The following MACROD2 variants were observed in gnomAD, a reference collection of about 807,000 sequenced individuals.
MACROD2 encodes mono-ADP ribosylhydrolase 2.
A neutral mutation model predicts 70.4 loss-of-function variants in MACROD2; 36 were observed. The ratio of observed to expected loss-of-function variants is 0.51; its 90% confidence interval spans 0.39 to 0.68. The LOEUF (loss-of-function observed/expected upper bound fraction) is 0.68, where lower values mean the gene tolerates loss of function less well. Ranked by LOEUF, MACROD2 falls within the 30% of genes least tolerant of loss-of-function variation. The pLI is 0.00. For synonymous variants in MACROD2, 172 were observed against 178.8 expected, an observed-to-expected ratio of 0.96 and a Z score of 0.30; for missense variants, 496 against 538.4, an observed-to-expected ratio of 0.92 and a Z score of 0.78.
intron 5 of MACROD2, among the ~76,000 whole-genome samples, chr20:15,154,369 G>A (rs1260095989): frequency 6.6e-6 from 1 of 152,156 alleles, no homozygotes; most frequent in Admixed American, 6.5e-5. Context: ...AGCTGACAGT[G>A]GGCAGAAAGG....
intron 8 of MACROD2, among the ~76,000 whole-genome samples, chr20:15,564,359 G>A (rs2146613024): frequency 1.3e-5 from 2 of 152,196 alleles, no homozygotes; most frequent in South Asian, 4.1e-4. Context: ...AAAATATGAA[G>A]AATTTTTGCA....
At chr20:15,271,073 C>A (rs1033859321) in intron 6 of MACROD2, among the ~76,000 whole-genome samples, 3 of 152,176 alleles carry the variant, frequency 2.0e-5, no homozygotes, top group Admixed American at 6.5e-5. Context: ...ATCTAGACCC[C>A]AAATGACCAA....
At chr20:15,594,200 A>C (rs987513415) in intron 8 of MACROD2, among the ~76,000 whole-genome samples, 2 of 152,108 alleles carry the variant, frequency 1.3e-5, no homozygotes, top group East Asian at 3.9e-4. Flanking sequence ...TGGTTGCACT[A>C]AATCTCATCC....
intron 8 of MACROD2, among the ~76,000 whole-genome samples, chr20:15,637,246 C>T (rs994796416): frequency 2.6e-5 from 4 of 152,118 alleles, no homozygotes; most frequent in African/African-American, 4.8e-5. Flanking sequence ...TCAGTTTCTC[C>T]GTCTGTAAAA....
chr20:15,562,328 A>G (rs2048255668), intron 8 of MACROD2, among the ~76,000 whole-genome samples: 1 of 152,170 alleles, frequency 6.6e-6, no homozygotes, highest in Admixed American at 6.5e-5. Flanking sequence ...TGTGATGTGG[A>G]AAATGAAGCC....
intron 3 of MACROD2, among the ~76,000 whole-genome samples, chr20:14,199,469 G>A (rs557916392): frequency 7.2e-5 from 11 of 152,274 alleles, no homozygotes; most frequent in African/African-American, 2.4e-4. Context: ...CCAACTTTTA[G>A]CCTTATGACA....
At chr20:15,557,677 G>C (rs1189193400) in intron 8 of MACROD2, among the ~76,000 whole-genome samples, 1 of 152,206 alleles carries the variant, frequency 6.6e-6, no homozygotes, top group African/African-American at 2.4e-5. Context: ...GTTTACTATA[G>C]AGAGCAAACT....
intron 6 of MACROD2, among the ~76,000 whole-genome samples, chr20:15,379,477 C>G (rs992235981): frequency 6.6e-6 from 1 of 151,708 alleles, no homozygotes; most frequent in East Asian, 1.9e-4. Context: ...TTTTTTCCAC[C>G]GAAACCTGTT....
intron 8 of MACROD2, among the ~76,000 whole-genome samples, chr20:15,690,800 A>G (rs1301463427): frequency 6.6e-6 from 1 of 152,110 alleles, no homozygotes; most frequent in Admixed American, 6.5e-5. Flanking sequence ...CCAAGACTCC[A>G]TCTCTCCTCT....
chr20:15,007,483 A>T (rs2075048586), intron 5 of MACROD2, among the ~76,000 whole-genome samples: 1 of 152,212 alleles, frequency 6.6e-6, no homozygotes, highest in South Asian at 2.1e-4. Context: ...GTAATAATGC[A>T]TCATGAGTGA....
At chr20:14,235,389 C>A (rs1050259258) in intron 3 of MACROD2, among the ~76,000 whole-genome samples, 1 of 152,040 alleles carries the variant, frequency 6.6e-6, no homozygotes, top group Non-Finnish European at 1.5e-5. Flanking sequence ...AAAACAGAGG[C>A]ACACAGTAGT....
chr20:14,079,477 T>C (rs2053961140), intron 2 of MACROD2, among the ~76,000 whole-genome samples: 1 of 152,244 alleles, frequency 6.6e-6, no homozygotes, highest in Non-Finnish European at 1.5e-5. Context: ...AGGAGACTTT[T>C]TTTCTGTTGT....
chr20:15,534,077 G>C (rs1296767518), intron 8 of MACROD2, among the ~76,000 whole-genome samples: 1 of 152,118 alleles, frequency 6.6e-6, no homozygotes, highest in Non-Finnish European at 1.5e-5. Flanking sequence ...AGAATAATGG[G>C]TAGGATTCAA....
intron 8 of MACROD2, among the ~76,000 whole-genome samples, chr20:15,638,490 G>T (rs935812185): frequency 6.6e-6 from 1 of 152,198 alleles, no homozygotes; most frequent in Non-Finnish European, 1.5e-5. Context: ...GAATGTGTCA[G>T]AAAAGAACTG....
intron 8 of MACROD2, among the ~76,000 whole-genome samples, chr20:15,814,949 T>A (rs1025886695): frequency 6.6e-6 from 1 of 151,000 alleles, no homozygotes; most frequent in Admixed American, 6.6e-5. Flanking sequence ...CTTTTAATTA[T>A]GTCCAGAAGA....
intron 5 of MACROD2, among the ~76,000 whole-genome samples, chr20:14,824,962 A>G (rs1335295425): frequency 6.6e-6 from 1 of 152,090 alleles, no homozygotes; most frequent in African/African-American, 2.4e-5. Context: ...GAGGTTCAAA[A>G]TGTTTTAAAT....
At chr20:16,014,387 A>G (rs1568709647) in intron 15 of MACROD2, among the ~76,000 whole-genome samples, 1 of 152,232 alleles carries the variant, frequency 6.6e-6, no homozygotes, top group Non-Finnish European at 1.5e-5. Context: ...CTCGATAAAT[A>G]GCAACTTTTG....
chr20:16,009,559 C>A (rs1163670185), intron 15 of MACROD2, among the ~76,000 whole-genome samples: 1 of 152,090 alleles, frequency 6.6e-6, no homozygotes, highest in Non-Finnish European at 1.5e-5. Context: ...GAGTTCGAGA[C>A]CAACATGGCC....
chr20:14,212,657 C>A (rs1051323734), intron 3 of MACROD2, among the ~76,000 whole-genome samples: 2 of 151,750 alleles, frequency 1.3e-5, no homozygotes, highest in Admixed American at 1.3e-4. Context: ...ACATTGATAC[C>A]GTTCTTGAGT....
Sources: allele counts gnomAD v4.1 joint callset (sites outside exome capture counted in the v4.1 genomes callset), GRCh38; gene constraint gnomAD v4.1.1; transcripts MANE v1.5; gene names NCBI Gene and HGNC (gene_info 2026-07-23, HGNC 2026-07-21).